The following YEATS2 variants were observed in gnomAD, a reference collection of about 807,000 sequenced individuals.
The protein encoded by YEATS2 is YEATS domain-containing protein 2.
In YEATS2, 77 loss-of-function variants were observed where a neutral mutation model predicts 163.2. The ratio of observed to expected loss-of-function variants is 0.47; its 90% CI spans 0.39 to 0.57. YEATS2 has a LOEUF of 0.57. YEATS2 is among the 20% of genes least tolerant of loss of function. The pLI, the probability that YEATS2 is intolerant of heterozygous loss-of-function variation, is 0.00. For synonymous variants in YEATS2, 631 were observed against 645.1 expected (o/e 0.98, Z 0.33); for missense variants, 1,549 against 1,729.8 (o/e 0.90, Z 1.85).
chr3:183,810,270 T>A (rs1272604514), intron 30 of YEATS2: 2 of 511,666 alleles, frequency 3.9e-6, no homozygotes, highest in African/African-American at 1.9e-5. Context: ...TTCCTAATTA[T>A]TCAACCAACT....
intron 30 of YEATS2, chr3:183,810,100 G>C: frequency 9.6e-6 from 2 of 208,774 alleles, no homozygotes; most frequent in Non-Finnish European, 1.9e-5. Context: ...GCCTGGCGTG[G>C]CTCCGTCTCC....
At chr3:183,789,682 C>T (rs1724415455) in intron 20 of YEATS2, among the ~76,000 whole-genome samples, 1 of 149,058 alleles carries the variant, frequency 6.7e-6, no homozygotes, top group African/African-American at 2.5e-5. Flanking sequence ...ATTACAGGCA[C>T]CCACCACCAC....
At chr3:183,749,064 T>A (rs1719874998) in intron 9 of YEATS2, among the ~76,000 whole-genome samples, 1 of 152,084 alleles carries the variant, frequency 6.6e-6, no homozygotes, top group Non-Finnish European at 1.5e-5. Flanking sequence ...TGCTTCAGCC[T>A]CCCAAGTAGC....
chr3:183,717,683 A>G lies in YEATS2; in HGVS notation c.133A>G (p.Ile45Val), dbSNP rs1378768833. ...RDAAVQKIET[I>V]IKEQFALEMK... ...TGCTGCTGTGCAGAAGATTGAGACT[A>G]TTATCAAAGAACAGTTTGCTCTTGA... Residue 45 changes from isoleucine (I) to valine (V), a missense_variant, in exon 3 of 31, where the codon ATT becomes GTT. Coordinates refer to ENST00000305135, the MANE Select transcript of YEATS2 (RefSeq NM_018023.5). 7 of 1,571,988 alleles carry G rather than the reference A, an allele frequency of 4.5e-6. No homozygotes were observed. The East Asian group carries it at 7.2e-5, about 16-fold the overall frequency.
intron 13 of YEATS2, among the ~76,000 whole-genome samples, chr3:183,760,090 C>A (rs1337077129): frequency 6.6e-6 from 1 of 152,092 alleles, no homozygotes; most frequent in Non-Finnish European, 1.5e-5. Context: ...ACTTCCTGGT[C>A]CAAGGCGAGG....
chr3:183,795,679 A>G (rs1268348871), intron 21 of YEATS2, among the ~76,000 whole-genome samples: 1 of 152,004 alleles, frequency 6.6e-6, no homozygotes, highest in Non-Finnish European at 1.5e-5. Context: ...CCAGTAGGGA[A>G]CTAGATGAAA....
intron 7 of YEATS2, among the ~76,000 whole-genome samples, chr3:183,734,935 T>C (rs956044465): frequency 2.0e-5 from 3 of 152,246 alleles, no homozygotes; most frequent in African/African-American, 7.2e-5. Flanking sequence ...CTTTATTGTG[T>C]GAAGTAACGT....
At chr3:183,738,291 A>G (rs940933761) in intron 8 of YEATS2, among the ~76,000 whole-genome samples, 14 of 152,106 alleles carry the variant, frequency 9.2e-5, no homozygotes, top group Non-Finnish European at 1.6e-4. Context: ...AAAAGCTAGA[A>G]AGGATTAAGC....
At chr3:183,701,374 C>T (rs1346638127) in intron 1 of YEATS2, among the ~76,000 whole-genome samples, 2 of 149,222 alleles carry the variant, frequency 1.3e-5, no homozygotes, top group African/African-American at 5.0e-5. Flanking sequence ...CTTGAGCCAC[C>T]GCGCCCGGCC....
At chr3:183,773,567 T>C (rs915818168) in intron 16 of YEATS2, 66 bp from the exon 17 acceptor site, 2 of 1,455,678 alleles carry the variant, frequency 1.4e-6, no homozygotes, top group Non-Finnish European at 1.8e-6. Context: ...TGCCTTGTAT[T>C]TTAATTTTAG....
At position 183,752,219 on chromosome 3, in the gene YEATS2, A is replaced by T; in HGVS notation, c.1116A>T (p.Ser372=). The change falls in exon 10 of 31, where the codon TCA becomes TCT. Residue 372 remains serine, a synonymous_variant. Transcript: ENST00000305135. ...AAGCTTCTTCACCAATAAAGCAGTC[A>T]CATGAGCCAGTACCCGATACCTCTG... is the stretch of plus-strand genomic sequence containing the variant. ...PVKASSPIKQ[S]HEPVPDTSVE... 2 of 1,614,188 alleles carry T rather than the reference A, an allele frequency of 1.2e-6. No homozygotes were observed. The highest frequency in any genetic ancestry group is 1.7e-6 in the Non-Finnish European group (2 of 1,180,026).
chr3:183,798,296 G>A (rs1353518778), intron 22 of YEATS2, among the ~76,000 whole-genome samples: 1 of 152,166 alleles, frequency 6.6e-6, no homozygotes, highest in Non-Finnish European at 1.5e-5. Flanking sequence ...ATCTAAAGTT[G>A]AGTTGAGGGG....
chr3:183,755,741 CTTTTTT>C (rs57050296), intron 11 of YEATS2, among the ~76,000 whole-genome samples: 39,719 of 82,284 alleles, frequency 0.48, 7,692 homozygotes, highest in East Asian at 0.67. Flanking sequence ...TCCTTCCTTT[CTTTTTT>C]TTTTTTTTTT....
At chr3:183,731,548 T>C (rs1717780825) in intron 7 of YEATS2, among the ~76,000 whole-genome samples, 1 of 152,220 alleles carries the variant, frequency 6.6e-6, no homozygotes. Context: ...TTGCAAAGAC[T>C]ATTCCTGCAG....
intron 12 of YEATS2, among the ~76,000 whole-genome samples, chr3:183,757,604 C>T (rs561345527): frequency 2.0e-5 from 3 of 152,214 alleles, no homozygotes; most frequent in East Asian, 3.9e-4. Flanking sequence ...TTTAAACACA[C>T]GCTCCTAACT....
intron 4 of YEATS2, among the ~76,000 whole-genome samples, chr3:183,720,805 T>C (rs2109054660): frequency 6.6e-6 from 1 of 152,306 alleles, no homozygotes; most frequent in East Asian, 1.9e-4. Flanking sequence ...CAGTGCTCCC[T>C]CCTAAGGCTC....
In YEATS2 at chr3:183,758,564, C is replaced by T. The variant is rs549573141; in HGVS notation, c.1553-298C>T. Among the ~76,000 whole-genome samples the T allele has an allele frequency of 3.3e-5, 5 of 152,092 alleles. No homozygotes were observed. In the South Asian group the frequency reaches 8.3e-4, roughly 25 times the overall value. ...TTTATTGTATAAGGAGTAGAATATACGAGAATATGCTACTGTTTATTGTAC... is the reference window on the plus strand; with the variant it reads ...TTTATTGTATAAGGAGTAGAATATATGAGAATATGCTACTGTTTATTGTAC... On this transcript the variant is annotated intron_variant, in intron 12 of 30. Coordinates refer to ENST00000305135, the MANE Select transcript of YEATS2 (RefSeq NM_018023.5).
intron 19 of YEATS2, among the ~76,000 whole-genome samples, chr3:183,783,428 C>A (rs1468080062): frequency 1.3e-5 from 2 of 152,164 alleles, no homozygotes; most frequent in Non-Finnish European, 2.9e-5. Flanking sequence ...ATTTTAGATT[C>A]AGGGGGTACA....
intron 15 of YEATS2, 39 bp from the exon 16 acceptor site, chr3:183,772,266 C>A: frequency 6.2e-7 from 1 of 1,608,232 alleles, no homozygotes; most frequent in South Asian, 1.1e-5. Flanking sequence ...GTTCTAAGAG[C>A]TCTCGAAGCA....
Sources: allele counts gnomAD v4.1 joint callset (sites outside exome capture counted in the v4.1 genomes callset), GRCh38; gene constraint gnomAD v4.1.1; transcripts MANE v1.5; gene names NCBI Gene and HGNC (gene_info 2026-07-23, HGNC 2026-07-21).